ZNF804B: variants seen among roughly 807,000 people sequenced by gnomAD.
ZNF804B encodes zinc finger 804B.
In ZNF804B, 80 loss-of-function variants were observed where a neutral mutation model predicts 101.4. That is an observed-to-expected ratio of 0.79 (90% confidence interval 0.66 to 0.95). ZNF804B has a LOEUF of 0.95. ZNF804B is among the 40% of genes least tolerant of loss of function. ZNF804B has a pLI of 0.00. For missense variants in ZNF804B, 1,673 were observed against 1,561.9 expected (o/e 1.07, Z -1.20); for synonymous variants, 622 against 558.8 (o/e 1.11, Z -1.59).
At chr7:89,327,638 T>G (rs183168157) in intron 3 of ZNF804B, among the ~76,000 whole-genome samples, 164 bp downstream of exon 3, 106 of 152,092 alleles carry the variant, frequency 7.0e-4, no homozygotes, top group Non-Finnish European at 1.2e-3. Context: ...CTTTTGGCCT[T>G]TGATATTTTT....
intron 1 of ZNF804B, among the ~76,000 whole-genome samples, chr7:89,181,899 T>G (rs1321760922): frequency 6.6e-6 from 1 of 152,170 alleles, no homozygotes; most frequent in African/African-American, 2.4e-5. Context: ...AATATGCACT[T>G]TAAAAAATTT....
At chr7:89,222,845 T>C (rs1584066262) in intron 2 of ZNF804B, among the ~76,000 whole-genome samples, 1 of 151,918 alleles carries the variant, frequency 6.6e-6, no homozygotes, top group South Asian at 2.1e-4. Flanking sequence ...AATTTTTGTA[T>C]ACGCTTCCCA....
chr7:88,865,415 C>CCAGCTACTCCTGAGGCTGAGGTGGGAGAA (rs1791712120), intron 1 of ZNF804B, among the ~76,000 whole-genome samples: 1 of 151,848 alleles, frequency 6.6e-6, no homozygotes, highest in Non-Finnish European at 1.5e-5. Flanking sequence ...ACCTGTGGTC[C>CCAGCTACTCCTGAGGCTGAGGTGGGAGAA]CAGCTACTCC....
intron 1 of ZNF804B, among the ~76,000 whole-genome samples, chr7:89,015,286 C>G (rs1788529148): frequency 6.7e-6 from 1 of 150,240 alleles, no homozygotes. Flanking sequence ...AATGTGATGA[C>G]TGTAGCTTTG....
intron 1 of ZNF804B, among the ~76,000 whole-genome samples, chr7:89,047,961 T>C (rs958563715): frequency 6.6e-6 from 1 of 152,174 alleles, no homozygotes; most frequent in African/African-American, 2.4e-5. Flanking sequence ...CTTTTCTTTT[T>C]ATTAATTTCC....
intron 1 of ZNF804B, among the ~76,000 whole-genome samples, chr7:89,135,000 C>T (rs903114916): frequency 2.0e-4 from 31 of 151,916 alleles, no homozygotes; most frequent in African/African-American, 4.8e-4. Flanking sequence ...ATATTTGAAC[C>T]GTAAATTCTA....
chr7:88,925,324 C>T (rs1792779866), intron 1 of ZNF804B, among the ~76,000 whole-genome samples: 1 of 152,044 alleles, frequency 6.6e-6, no homozygotes, highest in Admixed American at 6.6e-5. Flanking sequence ...ATCTTGTTCC[C>T]CCAAATTCAT....
chr7:88,807,942 C>A (rs950391992), intron 1 of ZNF804B, among the ~76,000 whole-genome samples: 1 of 152,074 alleles, frequency 6.6e-6, no homozygotes, highest in Non-Finnish European at 1.5e-5. Context: ...AGTGGAAAAG[C>A]CTTCACTAAA....
chr7:89,195,795 A>G (rs1365546036), intron 1 of ZNF804B, among the ~76,000 whole-genome samples: 1 of 151,920 alleles, frequency 6.6e-6, no homozygotes, highest in African/African-American at 2.4e-5. Flanking sequence ...AAGAACTCCC[A>G]TTCACAATTG....
chr7:88,905,587 G>A (rs1253031479), intron 1 of ZNF804B, among the ~76,000 whole-genome samples: 2 of 152,134 alleles, frequency 1.3e-5, no homozygotes, highest in Non-Finnish European at 2.9e-5. Context: ...TTGAACTGCT[G>A]ACCTCAGGTG....
chr7:88,760,274 G>A (rs538700634), intron 1 of ZNF804B, among the ~76,000 whole-genome samples, 190 bp downstream of exon 1: 1 of 152,330 alleles, frequency 6.6e-6, no homozygotes, highest in South Asian at 2.1e-4. Context: ...ACAGAGAGGG[G>A]TGTGTATTTA....
chr7:89,259,131 C>T (rs1044286744), intron 2 of ZNF804B, among the ~76,000 whole-genome samples: 1 of 152,154 alleles, frequency 6.6e-6, no homozygotes, highest in Admixed American at 6.5e-5. Context: ...TGTCTAACGT[C>T]AGTTTTGTTT....
At chr7:88,797,910 A>G (rs1790516299) in intron 1 of ZNF804B, among the ~76,000 whole-genome samples, 1 of 152,096 alleles carries the variant, frequency 6.6e-6, no homozygotes, top group South Asian at 2.1e-4. Flanking sequence ...AAGATTGTTA[A>G]CTCACCTTGT....
chr7:89,047,624 G>A (rs991611419), intron 1 of ZNF804B, among the ~76,000 whole-genome samples: 17 of 152,154 alleles, frequency 1.1e-4, no homozygotes, highest in African/African-American at 4.1e-4. Context: ...ATAAGCTATG[G>A]GAGGAGTCGT....
chr7:89,240,075 G>A (rs1325216938), intron 2 of ZNF804B, among the ~76,000 whole-genome samples: 1 of 151,866 alleles, frequency 6.6e-6, no homozygotes, highest in African/African-American at 2.4e-5. Flanking sequence ...TGAATAAAAT[G>A]TCTTGATTTC....
intron 2 of ZNF804B, among the ~76,000 whole-genome samples, chr7:89,223,881 T>C (rs2115718849): frequency 6.6e-6 from 1 of 152,106 alleles, no homozygotes; most frequent in African/African-American, 2.4e-5. Flanking sequence ...TAAAATTCTG[T>C]GTAAATGTTG....
intron 1 of ZNF804B, among the ~76,000 whole-genome samples, chr7:89,030,311 C>T (rs1171560226): frequency 2.0e-5 from 3 of 152,118 alleles, no homozygotes; most frequent in African/African-American, 2.4e-5. Context: ...AGCATATTTT[C>T]AAGGACCATA....
At chr7:89,279,563 C>T (rs552532129) in intron 2 of ZNF804B, among the ~76,000 whole-genome samples, 13 of 151,882 alleles carry the variant, frequency 8.6e-5, no homozygotes, top group Middle Eastern at 3.4e-3. Context: ...TAGCATGAAG[C>T]GTTGTTGAAT....
At chr7:88,883,296 C>T (rs1792070229) in intron 1 of ZNF804B, among the ~76,000 whole-genome samples, 1 of 152,074 alleles carries the variant, frequency 6.6e-6, no homozygotes, top group East Asian at 1.9e-4. Context: ...TTTTGACAAA[C>T]AGTGAAAAAG....
Sources: gnomAD v4.1 joint callset for allele counts (sites outside exome capture counted in the v4.1 genomes callset) on GRCh38, gnomAD v4.1.1 for gene constraint, MANE v1.5 for transcripts, NCBI Gene and HGNC (gene_info 2026-07-23, HGNC 2026-07-21) for gene names.